The following ZDHHC15 variants were observed in gnomAD, a reference collection of about 807,000 sequenced individuals.
The protein encoded by ZDHHC15 is zDHHC palmitoyltransferase 15, also known as palmitoyltransferase ZDHHC15.
ZDHHC15 carries 19 observed loss-of-function variants against 31.7 expected under a neutral mutation model. The ratio of observed to expected loss-of-function variants is 0.60; its 90% CI spans 0.42 to 0.88. The LOEUF (loss-of-function observed/expected upper bound fraction) is 0.88. ZDHHC15 is among the 40% of genes least tolerant of loss of function. The pLI, the probability that ZDHHC15 is intolerant of heterozygous loss-of-function variation, is 0.00. For synonymous variants in ZDHHC15, 103 were observed against 90.0 expected (o/e 1.14, Z -0.82); for missense variants, 209 against 251.2 (o/e 0.83, Z 1.14).
chrX:75,493,486 G>C (rs753558403), intron 2 of ZDHHC15, among the ~76,000 whole-genome samples: 75 of 111,416 alleles, frequency 6.7e-4, no homozygotes, highest in Middle Eastern at 9.1e-3. Context: ...CAAAAAAGGA[G>C]AATTTTAGAC....
At chrX:75,442,158 T>C (rs1250372507) in intron 4 of ZDHHC15, among the ~76,000 whole-genome samples, 1 of 112,138 alleles carries the variant, frequency 8.9e-6, no homozygotes, top group Non-Finnish European at 1.9e-5. Flanking sequence ...GAGATTAGCA[T>C]TTGAATCAGT....
chrX:75,374,241 G>T (rs1420852773), intron 11 of ZDHHC15, among the ~76,000 whole-genome samples: 1 of 109,195 alleles, frequency 9.2e-6, no homozygotes, highest in Non-Finnish European at 1.9e-5. Flanking sequence ...GGGGCTGGAG[G>T]GCTAGGTTTG....
At chrX:75,517,337 C>A (rs758693570) in intron 1 of ZDHHC15, among the ~76,000 whole-genome samples, 2 of 110,718 alleles carry the variant, frequency 1.8e-5, no homozygotes, top group Admixed American at 9.6e-5. Flanking sequence ...GGAACCAACC[C>A]AAATGCCCAT....
chrX:75,516,304 C>A (rs1024922805), intron 1 of ZDHHC15, among the ~76,000 whole-genome samples: 1 of 112,042 alleles, frequency 8.9e-6, no homozygotes, highest in South Asian at 3.7e-4. Context: ...AAGAACAAAG[C>A]TGGAGGCATC....
rs985295319 is a variant in ZDHHC15, at chrX:75,516,802, C to G, written c.136+6087G>C. 5.5e-4 allele frequency among the ~76,000 whole-genome samples: 61 copies of G among 111,076 alleles called. 1 individual carries two copies. The highest frequency in any genetic ancestry group is 1.9e-3 in the African/African-American group (57 of 30,577). The stretch of plus-strand genomic sequence containing the variant: ...ACTACCATCAGAGTGAACAGGCAAC[C>G]TACAGAATGGGAGAAAATTTTTACA... On this transcript the variant is annotated intron_variant, in intron 1 of 11. Coordinates refer to ENST00000373367, the MANE Select transcript of ZDHHC15 (RefSeq NM_144969.3).
chrX:75,496,821 G>A (rs1012068146), intron 2 of ZDHHC15, among the ~76,000 whole-genome samples: 1 of 111,312 alleles, frequency 9.0e-6, no homozygotes, highest in Admixed American at 9.6e-5. Flanking sequence ...ACAACCTATT[G>A]TGTCTCTGGG....
intron 3 of ZDHHC15, among the ~76,000 whole-genome samples, chrX:75,464,733 A>T (rs1322129300): frequency 1.8e-5 from 2 of 111,988 alleles, no homozygotes; most frequent in Admixed American, 1.9e-4. Flanking sequence ...CAATAGATGC[A>T]GGCCTGTGAT....
At chrX:75,395,512 A>G (rs2083290095) in intron 10 of ZDHHC15, among the ~76,000 whole-genome samples, 1 of 111,692 alleles carries the variant, frequency 9.0e-6, no homozygotes, top group Non-Finnish European at 1.9e-5. Flanking sequence ...AATATCTACA[A>G]GAAAAGCTGT....
chrX:75,498,037 G>A (rs1031879682), intron 2 of ZDHHC15, among the ~76,000 whole-genome samples: 14 of 108,752 alleles, frequency 1.3e-4, no homozygotes, highest in Admixed American at 4.0e-4. Flanking sequence ...GGGTTCAAGC[G>A]ATTCTCCTGC....
At chrX:75,468,906 G>A (rs984043476) in intron 3 of ZDHHC15, among the ~76,000 whole-genome samples, 5 of 111,497 alleles carry the variant, frequency 4.5e-5, no homozygotes, top group African/African-American at 1.6e-4. Flanking sequence ...TTTAAATTTG[G>A]TTGTTTGTTT....
intron 2 of ZDHHC15, among the ~76,000 whole-genome samples, chrX:75,488,300 T>C (rs909659952): frequency 8.9e-6 from 1 of 111,997 alleles, no homozygotes; most frequent in Non-Finnish European, 1.9e-5. Context: ...AAGAAAAACC[T>C]AGCAGATTAA....
chrX:75,399,411 C>A (rs1323162009), intron 10 of ZDHHC15, among the ~76,000 whole-genome samples: 3 of 111,998 alleles, frequency 2.7e-5, no homozygotes, highest in Non-Finnish European at 5.6e-5. Flanking sequence ...GGAGAGGAGG[C>A]CAGTCCATCT....
chrX:75,516,709 T>C (rs1242255318), intron 1 of ZDHHC15, among the ~76,000 whole-genome samples: 8 of 112,367 alleles, frequency 7.1e-5, no homozygotes, highest in Non-Finnish European at 1.3e-4. Context: ...CCAAAAGTAA[T>C]GGCAAGAAAA....
intron 3 of ZDHHC15, among the ~76,000 whole-genome samples, chrX:75,462,809 C>CA (rs1301439076): frequency 9.0e-6 from 1 of 110,544 alleles, no homozygotes; most frequent in African/African-American, 3.3e-5. Flanking sequence ...ATCCCCACAC[C>CA]AAAAAGCTAG....
intron 1 of ZDHHC15, among the ~76,000 whole-genome samples, chrX:75,508,417 G>A (rs1158333810): frequency 2.9e-5 from 3 of 104,586 alleles, no homozygotes; most frequent in African/African-American, 1.1e-4. Flanking sequence ...TTGTCCTTGC[G>A]ATAGTTTGCC....
At chrX:75,409,756 C>G (rs1327975503) in intron 10 of ZDHHC15, among the ~76,000 whole-genome samples, 2 of 85,290 alleles carry the variant, frequency 2.3e-5, no homozygotes, top group Non-Finnish European at 4.3e-5. Context: ...GATTGAGCAA[C>G]TGTACTGCAG....
intron 2 of ZDHHC15, among the ~76,000 whole-genome samples, chrX:75,484,861 G>C (rs1052724734): frequency 2.7e-5 from 3 of 112,204 alleles, no homozygotes; most frequent in Non-Finnish European, 5.6e-5. Context: ...GTGATCATCT[G>C]TAATATGAAA....
rs1460451458 is a variant in ZDHHC15 at position 75,452,677 on chromosome X, AC to A, written c.259-1756del. ...CAAATGTAAAAGAACAGAAATCATA[AC>A]AAACTGTCTCTCTGACCACAGTTCA... On this transcript the variant is annotated intron_variant, in intron 3 of 11. Coordinates refer to ENST00000373367, the MANE Select transcript of ZDHHC15 (RefSeq NM_144969.3). Among the ~76,000 whole-genome samples the A allele has an allele frequency of 7.1e-5, 8 of 112,161 alleles. No individual in the cohort carries two copies. The East Asian group carries it at 2.2e-3, about 31-fold the overall frequency.
rs181201782 is a variant in ZDHHC15, at chrX:75,376,467, T to C, written c.*32+2653A>G. Reference sequence around the variant, plus strand: ...TTGCTTTTGGGGACTTGGCCAAAAATTCTTTGCCAAGGCCAATGTTGAGAA... The same window carrying C: ...TTGCTTTTGGGGACTTGGCCAAAAACTCTTTGCCAAGGCCAATGTTGAGAA... On this transcript the variant is annotated intron_variant, in intron 11 of 11. Transcript: ENST00000373367. Among the ~76,000 whole-genome samples the C allele has an allele frequency of 2.8e-4, 31 of 111,627 alleles. No individual in the cohort carries two copies. In the Admixed American group the frequency reaches 3.0e-3, roughly 11 times the overall value.
Sources: allele counts gnomAD v4.1 joint callset (sites outside exome capture counted in the v4.1 genomes callset), GRCh38; gene constraint gnomAD v4.1.1; transcripts MANE v1.5; gene names NCBI Gene and HGNC (gene_info 2026-07-23, HGNC 2026-07-21).